Variants in SLC60A1 observed in about 807,000 individuals in gnomAD.
SLC60A1 encodes major facilitator superfamily domain containing 4.
At chr1:205,580,623 A>ACCCC in the SLC60A1 span, 2 of 1,570,446 alleles carry the variant, frequency 1.3e-6, no homozygotes, top group Admixed American at 1.7e-5. This position sits in a 1 kb window ranked among gnomAD's most constrained non-coding sequence, Gnocchi z 5.0. Flanking sequence ...CTGAAGACTG[A>ACCCC]CCCCCACCCC....
chr1:205,590,518 G>A, the SLC60A1 span, among the ~76,000 whole-genome samples: 1 of 152,196 alleles, frequency 6.6e-6, no homozygotes, highest in East Asian at 1.9e-4. Flanking sequence ...TGAGCCTCGA[G>A]ACCACCTTCC....
At chr1:205,595,617 A>C in the SLC60A1 span, among the ~76,000 whole-genome samples, 1 of 152,232 alleles carries the variant, frequency 6.6e-6, no homozygotes, top group African/African-American at 2.4e-5. Flanking sequence ...CTCCAGAGTT[A>C]CTGGCTTTAT....
the SLC60A1 span, chr1:205,602,718 C>T: frequency 6.6e-6 from 1 of 152,190 alleles, no homozygotes; most frequent in Non-Finnish European, 1.5e-5. Flanking sequence ...TGCAGTCTGA[C>T]TGTAGCGAGT....
the SLC60A1 span, among the ~76,000 whole-genome samples, chr1:205,599,594 G>A: frequency 2.0e-5 from 3 of 152,234 alleles, no homozygotes; most frequent in Non-Finnish European, 4.4e-5. Flanking sequence ...GGAACTGAAA[G>A]GCAGAGCCCG....
the SLC60A1 span, chr1:205,581,043 C>A: frequency 7.6e-7 from 1 of 1,317,856 alleles, no homozygotes; most frequent in Non-Finnish European, 1.0e-6. The surrounding 1 kb of genome is among the most constrained non-coding windows in gnomAD (Gnocchi z 4.2). Context: ...AGGTGTGCAT[C>A]CCAGAGGCAG....
At chr1:205,591,328 A>C in the SLC60A1 span, among the ~76,000 whole-genome samples, 1 of 151,928 alleles carries the variant, frequency 6.6e-6, no homozygotes. Context: ...CTAAAAATAC[A>C]GAAAATTAGC....
chr1:205,584,777 C>A, the SLC60A1 span: 1 of 1,030,624 alleles, frequency 9.7e-7, no homozygotes, highest in Non-Finnish European at 1.5e-6. Context: ...TGGGCCCCAT[C>A]CTGCAGGGCT....
the SLC60A1 span, chr1:205,580,775 G>C: frequency 3.7e-5 from 59 of 1,614,032 alleles, no homozygotes; most frequent in Non-Finnish European, 4.7e-5. This position sits in a 1 kb window ranked among gnomAD's most constrained non-coding sequence, Gnocchi z 5.0. Context: ...CACCTCCCGA[G>C]GCCACCTGTT....
At chr1:205,602,643 C>G in the SLC60A1 span, 9 of 152,392 alleles carry the variant, frequency 5.9e-5, no homozygotes, top group Non-Finnish European at 1.2e-4. Flanking sequence ...AGCTGGTGGT[C>G]TAGGAGTATA....
At chr1:205,584,426 G>A in the SLC60A1 span, among the ~76,000 whole-genome samples, 6 of 151,390 alleles carry the variant, frequency 4.0e-5, no homozygotes, top group African/African-American at 1.2e-4. Context: ...GTTTCGCCAC[G>A]TTGGCCAGGC....
chr1:205,580,966 C>A, the SLC60A1 span: 4 of 1,590,548 alleles, frequency 2.5e-6, no homozygotes, highest in Non-Finnish European at 3.4e-6. This position sits in a 1 kb window ranked among gnomAD's most constrained non-coding sequence, Gnocchi z 5.0. Flanking sequence ...AGTGGACAGT[C>A]CACACATCCC....
the SLC60A1 span, chr1:205,580,039 A>G: frequency 2.1e-5 from 29 of 1,371,542 alleles, no homozygotes; most frequent in Non-Finnish European, 2.6e-5. This position sits in a 1 kb window ranked among gnomAD's most constrained non-coding sequence, Gnocchi z 5.0. Context: ...CTCCTCCCCC[A>G]GGGGCCCACT....
the SLC60A1 span, among the ~76,000 whole-genome samples, chr1:205,573,005 G>C: frequency 6.6e-6 from 1 of 152,198 alleles, no homozygotes; most frequent in African/African-American, 2.4e-5. Flanking sequence ...TGGATGCCTT[G>C]TTGTTCCAGC....
At chr1:205,585,355 G>A in the SLC60A1 span, among the ~76,000 whole-genome samples, 1 of 152,160 alleles carries the variant, frequency 6.6e-6, no homozygotes, top group East Asian at 1.9e-4. The surrounding 1 kb of genome is among the most constrained non-coding windows in gnomAD (Gnocchi z 4.2). Flanking sequence ...TTTGCTTCCT[G>A]GAATACATTA....
chr1:205,573,551 CACAAG>C, the SLC60A1 span, among the ~76,000 whole-genome samples: 1 of 109,086 alleles, frequency 9.2e-6, no homozygotes. Context: ...AGAAGACAGA[CACAAG>C]AGATCACATA....
At chr1:205,586,927 C>A in the SLC60A1 span, among the ~76,000 whole-genome samples, 2 of 152,126 alleles carry the variant, frequency 1.3e-5, no homozygotes, top group East Asian at 3.9e-4. Flanking sequence ...GAACTCCTGA[C>A]CTCTTAATGA....
At chr1:205,596,578 A>AAAAAAAAAG in the SLC60A1 span, among the ~76,000 whole-genome samples, 1 of 137,846 alleles carries the variant, frequency 7.3e-6, no homozygotes, top group Non-Finnish European at 1.5e-5. Context: ...AAAAAAAAAA[A>AAAAAAAAAG]GATGAATGAT....
chr1:205,569,280 G>C, the SLC60A1 span: 1 of 1,543,728 alleles, frequency 6.5e-7, no homozygotes, highest in South Asian at 1.2e-5. Flanking sequence ...CAGCGCCCTC[G>C]GGGGCGTCTT....
chr1:205,584,798 C>A, the SLC60A1 span: 2 of 1,351,936 alleles, frequency 1.5e-6, no homozygotes, highest in Non-Finnish European at 2.1e-6. Flanking sequence ...CTTCTGACTG[C>A]CAGCCACGGC....
Sources: allele counts gnomAD v4.1 joint callset (sites outside exome capture counted in the v4.1 genomes callset), GRCh38; gene constraint gnomAD v4.1.1; non-coding constraint Gnocchi (gnomAD v3.1); transcripts MANE v1.5; gene names NCBI Gene and HGNC (gene_info 2026-07-23, HGNC 2026-07-21).